Variants in TMPO observed in about 807,000 individuals in gnomAD.
TMPO encodes thymopoietin, also known as LEM domain containing 4.
A neutral mutation model predicts 45.4 loss-of-function variants in TMPO; 22 were observed. That is an observed-to-expected ratio of 0.48 (90% CI 0.35 to 0.69). The LOEUF (loss-of-function observed/expected upper bound fraction) is 0.69. Among genes scored for constraint, TMPO ranks in the 30% least tolerant of loss-of-function variants. TMPO has a pLI of 0.01. For synonymous variants in TMPO, 241 were observed against 204.1 expected, an observed-to-expected ratio of 1.18 and a Z score of -1.54; for missense variants, 512 against 548.8, an observed-to-expected ratio of 0.93 and a Z score of 0.67.
At chr12:98,520,498 G>A (rs1432927200) in intron 1 of TMPO, among the ~76,000 whole-genome samples, 1 of 151,362 alleles carries the variant, frequency 6.6e-6, no homozygotes, top group African/African-American at 2.4e-5. Context: ...GTAGAGACAA[G>A]GTTTCACCAT....
At chr12:98,520,110 C>A (rs1355554518) in intron 1 of TMPO, among the ~76,000 whole-genome samples, 2 of 151,536 alleles carry the variant, frequency 1.3e-5, no homozygotes, top group African/African-American at 4.9e-5. Flanking sequence ...CAGGTGCCCA[C>A]CACTGCGCCC....
Position 98,544,150 on chromosome 12 carries a change from C to G in TMPO, c.664-80C>G, listed in dbSNP as rs531828967. ...GCATTTGGAGACTTCTATTTCATGG[C>G]TTCTCAGTGTGCCAGTATGGCCGTT... On this transcript the variant is annotated intron_variant, in intron 4 of 8. Coordinates refer to ENST00000556029, the MANE Select transcript of TMPO (RefSeq NM_001032283.3). The G allele has an allele frequency of 8.5e-5, 129 of 1,510,536 alleles. 1 individual carries two copies. In the South Asian group the frequency reaches 1.3e-3, roughly 16 times the overall value. 93.6% of individuals were successfully genotyped at this position (1,510,536 alleles called of 1,614,324 possible). A position where few individuals can be genotyped will look rare whatever the true frequency, so the allele number is the denominator to read the frequency against.
intron 3 of TMPO, chr12:98,533,042 C>T: frequency 6.2e-7 from 1 of 1,613,600 alleles, no homozygotes; most frequent in Non-Finnish European, 8.5e-7. Flanking sequence ...ACAAACTTGC[C>T]TGGCAGGGGA....
chr12:98,534,955 CT>C (rs1323168889), intron 3 of TMPO: 21 of 908,022 alleles, frequency 2.3e-5, no homozygotes, highest in Non-Finnish European at 2.8e-5. Flanking sequence ...GAATTTAAAT[CT>C]AGAGATACTT....
intron 1 of TMPO, 110 bp downstream of exon 1, chr12:98,516,256 G>A (rs1188087861): frequency 5.4e-6 from 7 of 1,284,716 alleles, no homozygotes; most frequent in East Asian, 6.5e-5. Context: ...CCTCCCAGGT[G>A]CGGGGCTGTC....
chr12:98,546,428 T>A lies in TMPO; in HGVS notation c.1060T>A (p.Ser354Thr). 5.6e-6 allele frequency: 9 copies of A among 1,608,890 alleles called. No individual in the cohort carries two copies. The highest frequency in any genetic ancestry group is 7.7e-6 in the Non-Finnish European group (9 of 1,175,476). ...TAAGGAAATGTTCCCCTATGAAGCA[T>A]CTACACCAACAGGAATTAGGTATTC... ...ILKEMFPYEA[S>T]TPTGISASCR... The change falls in exon 8 of 9, where the codon TCT becomes ACT. Residue 354 changes from serine (S) to threonine (T), a missense_variant. By Grantham distance (58) the Ser-to-Thr change is moderately conservative. Around this residue, in one of 3 missense-constraint regions of TMPO, gnomAD observed 209 missense variants for 235.1 expected, o/e 0.89. Transcript: ENST00000556029.
rs1330753847 is a variant in TMPO, at chr12:98,531,015, T to C, written c.407-665T>C. Among the ~76,000 whole-genome samples, 21 of 152,208 alleles carry C rather than the reference T, an allele frequency of 1.4e-4. 1 individual carries two copies. Among genetic ancestry groups the C allele is most frequent in the Admixed American group, 1.4e-3 (21 of 15,276 alleles). On this transcript the variant is annotated intron_variant, in intron 2 of 8. Coordinates refer to ENST00000556029, the MANE Select transcript of TMPO (RefSeq NM_001032283.3). ...TGGAATGCAATGGTGCGATATCAGCTCACCGCAACCTCCATCTCCTGGGTT... is the reference window on the plus strand; with the variant it reads ...TGGAATGCAATGGTGCGATATCAGCCCACCGCAACCTCCATCTCCTGGGTT...
At chr12:98,528,829 C>T (rs1249842661) in intron 2 of TMPO, among the ~76,000 whole-genome samples, 1 of 151,962 alleles carries the variant, frequency 6.6e-6, no homozygotes, top group Non-Finnish European at 1.5e-5. Context: ...TGTGGTGTCA[C>T]AAATCTATTG....
intron 4 of TMPO, 164 bp downstream of exon 4, chr12:98,537,736 A>G (rs1235429679): frequency 5.6e-6 from 4 of 719,134 alleles, no homozygotes; most frequent in African/African-American, 1.8e-5. Flanking sequence ...GGGTTTTGTC[A>G]GTAGTGTAGC....
intron 2 of TMPO, among the ~76,000 whole-genome samples, chr12:98,528,254 T>C (rs1245896437): frequency 7.1e-6 from 1 of 141,376 alleles, no homozygotes; most frequent in Non-Finnish European, 1.5e-5. Flanking sequence ...TATCGTACTT[T>C]TTTTTTTTTT....
Position 98,548,477 on chromosome 12 carries a change from T to A in TMPO, c.*619T>A, listed in dbSNP as rs1407480041. On this transcript the variant is annotated 3_prime_UTR_variant, in exon 9 of 9. Coordinates refer to ENST00000556029, the MANE Select transcript of TMPO (RefSeq NM_001032283.3). Reference sequence around the variant, plus strand: ...GACACAGTATCATGAAAGTCCTATTTCAGTAAGACCCATTTACATACAGTA... The same window carrying A: ...GACACAGTATCATGAAAGTCCTATTACAGTAAGACCCATTTACATACAGTA... 1 of 152,784 alleles carries A rather than the reference T, an allele frequency of 6.5e-6. No homozygotes were observed. Among genetic ancestry groups the A allele is most frequent in the Non-Finnish European group, 1.5e-5 (1 of 68,214 alleles). 9.5% of individuals were successfully genotyped at this position (152,784 alleles called of 1,614,324 possible). A position where few individuals can be genotyped will look rare whatever the true frequency, so the allele number is the denominator to read the frequency against.
chr12:98,531,678 A>G lies in TMPO; in HGVS notation c.407-2A>G, dbSNP rs1877200689. 1 of 1,612,294 alleles carries G rather than the reference A, an allele frequency of 6.2e-7. No homozygotes were observed. The highest frequency in any genetic ancestry group is 8.5e-7 in the Non-Finnish European group (1 of 1,179,928). ...ACTAAAGCAAGTTCTGCCTTAATCC[A>G]GGAACAACCAGGAAGCTATATGAGA... On this transcript the variant is annotated splice_acceptor_variant, in intron 2 of 8. Coordinates refer to ENST00000556029, the MANE Select transcript of TMPO (RefSeq NM_001032283.3). LOFTEE classifies it high-confidence loss of function.
rs763394219 is a variant in TMPO, at chr12:98,544,327, CAAG to C, written c.767_769del (p.Arg256del). 1.2e-6 allele frequency: 2 copies of C among 1,613,898 alleles called. No individual in the cohort carries two copies. The highest frequency in any genetic ancestry group is 1.1e-5 in the South Asian group (1 of 91,028). On this transcript the variant is annotated inframe_deletion, in exon 5 of 9. Transcript: ENST00000556029. ...TTAACTAGGGAATCTACAAGAGGGT[CAAG>C]AAGAACTCCAAGGAAAAGGGTGATG...
Position 98,515,817 on chromosome 12 carries a change from G to T in TMPO, c.-51G>T. On this transcript the variant is annotated 5_prime_UTR_variant, in exon 1 of 9. Transcript: ENST00000556029. ...CCCGGCCAGGAGCAAGCGCGCCGGC[G>T]TGAGCGGCGGCGGCAAAGGCTGTGG... 1 of 1,577,084 alleles carries T rather than the reference G, an allele frequency of 6.3e-7. No individual in the cohort carries two copies. Among genetic ancestry groups the T allele is most frequent in the Non-Finnish European group, 8.6e-7 (1 of 1,163,036 alleles).
rs188668839 is a variant in TMPO, at chr12:98,525,365, G to A, written c.280-2521G>A. The stretch of plus-strand genomic sequence containing the variant: ...GTTCTTATGAGCAGCTATTTTTTTG[G>A]TGAAGGTTTTTTGGCTTCTGATTAT... On this transcript the variant is annotated intron_variant, in intron 1 of 8. Coordinates refer to ENST00000556029, the MANE Select transcript of TMPO (RefSeq NM_001032283.3). 1.4e-4 allele frequency among the ~76,000 whole-genome samples: 21 copies of A among 152,222 alleles called. No individual in the cohort carries two copies. In the East Asian group the frequency reaches 2.1e-3, roughly 15 times the overall value.
At chr12:98,540,999 GT>G (rs574219073) in intron 4 of TMPO, among the ~76,000 whole-genome samples, 4 of 151,762 alleles carry the variant, frequency 2.6e-5, no homozygotes, top group East Asian at 1.9e-4. Flanking sequence ...TTATTTTGAG[GT>G]TTTTTTTATG....
chr12:98,536,588 T>A (rs1268300840), intron 3 of TMPO, among the ~76,000 whole-genome samples: 1 of 152,122 alleles, frequency 6.6e-6, no homozygotes, highest in Non-Finnish European at 1.5e-5. Flanking sequence ...TGACCTCAGG[T>A]GATCCGCCCA....
chr12:98,519,693 T>G (rs1213087285), intron 1 of TMPO, among the ~76,000 whole-genome samples: 1 of 152,188 alleles, frequency 6.6e-6, no homozygotes, highest in Non-Finnish European at 1.5e-5. Flanking sequence ...GCCAACAACT[T>G]GAAGAAAAAT....
intron 4 of TMPO, among the ~76,000 whole-genome samples, chr12:98,540,143 G>C (rs965903380): frequency 6.6e-6 from 1 of 152,160 alleles, no homozygotes; most frequent in Non-Finnish European, 1.5e-5. Flanking sequence ...GGTCATTACA[G>C]AATTTCCCAA....
Sources: allele counts gnomAD v4.1 joint callset (sites outside exome capture counted in the v4.1 genomes callset), GRCh38; gene constraint gnomAD v4.1.1; regional missense constraint gnomAD v4.1.1; transcripts MANE v1.5; gene names NCBI Gene and HGNC (gene_info 2026-07-23, HGNC 2026-07-21).